PALM2AKAP2: variants seen among roughly 807,000 people sequenced by gnomAD.
PALM2AKAP2 encodes the protein PALM2-AKAP2 fusion protein.
A neutral mutation model predicts 71.5 loss-of-function variants in PALM2AKAP2; 37 were observed. The ratio of observed to expected loss-of-function variants is 0.52; its 90% CI spans 0.40 to 0.68. The LOEUF (loss-of-function observed/expected upper bound fraction) is 0.68, where lower values mean the gene tolerates loss of function less well. Ranked by LOEUF, PALM2AKAP2 falls within the 30% of genes least tolerant of loss-of-function variation. The pLI, the probability that PALM2AKAP2 is intolerant of heterozygous loss-of-function variation, is 0.00. For synonymous variants in PALM2AKAP2, 468 were observed against 478.8 expected (o/e 0.98, Z 0.29); for missense variants, 1,224 against 1,191.8 (o/e 1.03, Z -0.40).
chr9:109,969,407 G>A (rs1434157280), intron 6 of PALM2AKAP2, among the ~76,000 whole-genome samples: 1 of 152,198 alleles, frequency 6.6e-6, no homozygotes, highest in Admixed American at 6.5e-5. Flanking sequence ...CACCCACAAA[G>A]GGTAGCAGTA....
chr9:109,924,599 C>CA (rs1367124423), intron 4 of PALM2AKAP2, among the ~76,000 whole-genome samples: 1 of 151,700 alleles, frequency 6.6e-6, no homozygotes, highest in East Asian at 1.9e-4. Context: ...GACTGCGTCT[C>CA]AAAAAAACAA....
intron 6 of PALM2AKAP2, among the ~76,000 whole-genome samples, chr9:110,000,934 T>C (rs1832671020): frequency 6.6e-6 from 1 of 152,226 alleles, no homozygotes; most frequent in Non-Finnish European, 1.5e-5. Context: ...GATGAGTAGA[T>C]TGCAAAAATT....
chr9:109,804,598 T>A (rs932188977), intron 1 of PALM2AKAP2, among the ~76,000 whole-genome samples: 3 of 152,228 alleles, frequency 2.0e-5, no homozygotes, highest in African/African-American at 7.2e-5. Flanking sequence ...CCTGCTAGTC[T>A]TCTATTACGT....
chr9:109,739,688 C>T (rs942376791), intron 1 of PALM2AKAP2, among the ~76,000 whole-genome samples: 7 of 152,210 alleles, frequency 4.6e-5, no homozygotes, highest in African/African-American at 1.7e-4. Flanking sequence ...ATTTCTTCCT[C>T]CTCTTTTTAA....
chr9:109,643,444 G>A (rs182383588), intron 1 of PALM2AKAP2, among the ~76,000 whole-genome samples: 163 of 152,336 alleles, frequency 1.1e-3, no homozygotes, highest in African/African-American at 3.8e-3. Context: ...CCCAGACTTA[G>A]CACTTGGGTG....
intron 6 of PALM2AKAP2, among the ~76,000 whole-genome samples, chr9:109,934,097 A>C (rs1201327063): frequency 6.6e-6 from 1 of 152,248 alleles, no homozygotes; most frequent in Non-Finnish European, 1.5e-5. Flanking sequence ...ACTCTGTATA[A>C]ATGGGAATTT....
intron 3 of PALM2AKAP2, among the ~76,000 whole-genome samples, chr9:109,900,301 A>G (rs527257625): frequency 6.6e-6 from 1 of 152,348 alleles, no homozygotes; most frequent in Non-Finnish European, 1.5e-5. Flanking sequence ...AAATTGGTTG[A>G]TATAACATCC....
intron 1 of PALM2AKAP2, among the ~76,000 whole-genome samples, chr9:109,837,675 T>C (rs1828519340): frequency 6.6e-6 from 1 of 151,844 alleles, no homozygotes; most frequent in African/African-American, 2.4e-5. Flanking sequence ...AATAAAGGGA[T>C]GGGGGAAGAT....
intron 1 of PALM2AKAP2, among the ~76,000 whole-genome samples, chr9:110,073,028 C>T (rs993896209): frequency 3.3e-5 from 5 of 152,166 alleles, no homozygotes; most frequent in Non-Finnish European, 5.9e-5. Context: ...CACACAACAC[C>T]AAGCCCAAAC....
At chr9:109,697,304 T>C (rs2118566457) in intron 1 of PALM2AKAP2, among the ~76,000 whole-genome samples, 1 of 152,330 alleles carries the variant, frequency 6.6e-6, no homozygotes, top group South Asian at 2.1e-4. Flanking sequence ...AATGGCAATT[T>C]ACAAATATAG....
chr9:109,702,292 G>A (rs1452876254), intron 1 of PALM2AKAP2, among the ~76,000 whole-genome samples: 7 of 152,120 alleles, frequency 4.6e-5, no homozygotes, highest in South Asian at 2.1e-4. Flanking sequence ...ATATGCACAC[G>A]TATGTTTTAT....
chr9:109,865,990 C>T (rs780052331), intron 1 of PALM2AKAP2, among the ~76,000 whole-genome samples: 2 of 152,286 alleles, frequency 1.3e-5, no homozygotes, highest in South Asian at 2.1e-4. Flanking sequence ...AATTATGCAC[C>T]ATTGATTGGA....
intron 6 of PALM2AKAP2, among the ~76,000 whole-genome samples, chr9:109,991,354 A>G (rs1293129166): frequency 6.6e-6 from 1 of 151,258 alleles, no homozygotes; most frequent in Non-Finnish European, 1.5e-5. Context: ...CTCTCACCTC[A>G]GCCTCCCGAG....
At chr9:110,048,495 C>T (rs1833639705), upstream of PALM2AKAP2, 2 of 553,190 alleles carry the variant, frequency 3.6e-6, no homozygotes, top group Non-Finnish European at 6.2e-6. Context: ...TGCATTCATT[C>T]ATTTCTTCGT....
At chr9:109,726,347 C>T (rs3118718) in intron 1 of PALM2AKAP2, among the ~76,000 whole-genome samples, 22,277 of 152,188 alleles carry the variant, frequency 0.15, 2,055 homozygotes, top group Non-Finnish European at 0.21. Context: ...AATTGCAGGG[C>T]TCCCGGTGGA....
At chr9:109,977,686 A>G (rs1428929904) in intron 6 of PALM2AKAP2, among the ~76,000 whole-genome samples, 1 of 152,224 alleles carries the variant, frequency 6.6e-6, no homozygotes, top group Non-Finnish European at 1.5e-5. Context: ...TATCCTGATC[A>G]CAGGAAGAGC....
At position 109,719,346 on chromosome 9, in the gene PALM2AKAP2, G is replaced by A. The variant is rs114336437; in HGVS notation, c.6-61142G>A. ...CTGAGAGTCTACTTCCAGTTTCTCA[G>A]GCTAATTCTGCTACAAATGCTTTGT... On this transcript the variant is annotated intron_variant, in intron 1 of 6. Coordinates refer to the PALM2AKAP2 transcript ENST00000374531. Among the ~76,000 whole-genome samples, 302 of 152,242 alleles carry A rather than the reference G, an allele frequency of 2.0e-3. 2 individuals are homozygous for A. Among genetic ancestry groups the A allele is most frequent in the African/African-American group, 7.0e-3 (289 of 41,540 alleles).
At chr9:109,703,735 T>C (rs547996563) in intron 1 of PALM2AKAP2, among the ~76,000 whole-genome samples, 10 of 144,836 alleles carry the variant, frequency 6.9e-5, no homozygotes, top group African/African-American at 9.8e-5. Flanking sequence ...TTCATGAACA[T>C]ATATAAACTT....
chr9:109,805,992 T>C (rs1233036539), intron 1 of PALM2AKAP2, among the ~76,000 whole-genome samples: 2 of 152,200 alleles, frequency 1.3e-5, no homozygotes, highest in Non-Finnish European at 2.9e-5. Flanking sequence ...AAGCTCTATC[T>C]TGGGTTTGAG....
Sources: allele counts gnomAD v4.1 joint callset (sites outside exome capture counted in the v4.1 genomes callset), GRCh38; gene constraint gnomAD v4.1.1; transcripts MANE v1.5; gene names NCBI Gene and HGNC (gene_info 2026-07-23, HGNC 2026-07-21).